Variants in ASB5 observed in about 807,000 individuals in gnomAD.
The protein encoded by ASB5 is ankyrin repeat and SOCS box containing 5.
ASB5 carries 45 observed loss-of-function variants against 42.1 expected under a neutral mutation model. The ratio of observed to expected loss-of-function variants is 1.07; its 90% CI spans 0.84 to 1.37. ASB5 has a LOEUF of 1.37. ASB5 is among the 40% of genes most tolerant of loss of function. ASB5 has a pLI of 0.00. For synonymous variants in ASB5, 147 were observed against 150.6 expected (o/e 0.98, Z 0.18); for missense variants, 402 against 399.8 (o/e 1.01, Z -0.05).
rs1229692709 is a variant in ASB5, at chr4:176,241,464, G to C, written c.197-16123C>G. 7 of 1,534,472 alleles carry C rather than the reference G, an allele frequency of 4.6e-6. No homozygotes were observed. The African/African-American group carries it at 9.6e-5, about 21-fold the overall frequency. ...GAAATCCTAAGGTTTTCTTTTACCT[G>C]TTACTGCCAAATTTCCACCATTGCA... On this transcript the variant is annotated intron_variant, in intron 1 of 6. Coordinates refer to ENST00000296525, the MANE Select transcript of ASB5 (RefSeq NM_080874.4).
chr4:176,260,798 T>A (rs1019363762), intron 1 of ASB5, among the ~76,000 whole-genome samples: 10 of 152,136 alleles, frequency 6.6e-5, no homozygotes, highest in African/African-American at 2.2e-4. Context: ...TTCCTCAGCC[T>A]CCCGAGTAGC....
At chr4:176,222,206 A>G (rs552875892) in intron 3 of ASB5, 107 bp downstream of exon 3, 8 of 1,002,728 alleles carry the variant, frequency 8.0e-6, no homozygotes, top group South Asian at 4.4e-5. Context: ...TTATTCTGCT[A>G]TTTTTGAAAA....
intron 2 of ASB5, among the ~76,000 whole-genome samples, chr4:176,223,593 A>G (rs779953619): frequency 1.8e-4 from 28 of 152,238 alleles, no homozygotes; most frequent in Non-Finnish European, 3.5e-4. Flanking sequence ...CATATTACAG[A>G]TCACCAAAAT....
rs114946323 is a variant in ASB5 at position 176,234,299 on chromosome 4, G to C, written c.197-8958C>G. 3.9e-3 allele frequency among the ~76,000 whole-genome samples: 592 copies of C among 152,160 alleles called. 6 individuals are homozygous for C. Among genetic ancestry groups the C allele is most frequent in the African/African-American group, 0.014 (569 of 41,526 alleles). ...CTCGGGTTCTACCCACTTTTTCCTA[G>C]GCCCATCATCCTCATCCAGACATAC... is the stretch of plus-strand genomic sequence containing the variant. On this transcript the variant is annotated intron_variant, in intron 1 of 6. Transcript: ENST00000296525.
At chr4:176,257,310 A>T (rs1410415686) in intron 1 of ASB5, among the ~76,000 whole-genome samples, 1 of 152,234 alleles carries the variant, frequency 6.6e-6, no homozygotes, top group Non-Finnish European at 1.5e-5. Context: ...CAGGACAACC[A>T]TGACCAGGTA....
chr4:176,227,081 A>G (rs1753401637), intron 1 of ASB5, among the ~76,000 whole-genome samples: 1 of 152,248 alleles, frequency 6.6e-6, no homozygotes, highest in Admixed American at 6.5e-5. Flanking sequence ...CAAAGAAGAC[A>G]ATGAGTGGTC....
chr4:176,260,576 C>A (rs149858882), intron 1 of ASB5, among the ~76,000 whole-genome samples: 20 of 152,304 alleles, frequency 1.3e-4, no homozygotes, highest in Non-Finnish European at 2.9e-4. Context: ...AGCCAATGGT[C>A]TGCTTTGTAG....
chr4:176,264,902 T>A (rs913587310), intron 1 of ASB5, among the ~76,000 whole-genome samples: 4 of 152,166 alleles, frequency 2.6e-5, no homozygotes, highest in African/African-American at 9.7e-5. Flanking sequence ...TTTGCCTTTA[T>A]TTTTTGTTGT....
rs944243794 is a variant in ASB5 at position 176,216,497 on chromosome 4, C to A, written c.862+321G>T. ...TCCTGAGTAGCTGAGATTACAGGCACGCACCACCATGCCCAGCTAATTTTT... is the reference window on the plus strand; with the variant it reads ...TCCTGAGTAGCTGAGATTACAGGCAAGCACCACCATGCCCAGCTAATTTTT... On this transcript the variant is annotated intron_variant, in intron 6 of 6. Transcript: ENST00000296525. Among the ~76,000 whole-genome samples, 3 of 152,166 alleles carry A rather than the reference C, an allele frequency of 2.0e-5. No homozygotes were observed. In the South Asian group the frequency reaches 6.2e-4, roughly 32 times the overall value.
intron 1 of ASB5, among the ~76,000 whole-genome samples, chr4:176,238,381 G>T (rs530652888): frequency 6.6e-6 from 1 of 152,082 alleles, no homozygotes; most frequent in South Asian, 2.1e-4. Context: ...ATCAAAAGAC[G>T]TCAGCAGTCA....
intron 5 of ASB5, among the ~76,000 whole-genome samples, chr4:176,219,728 A>C (rs923150376): frequency 3.1e-4 from 47 of 149,458 alleles, no homozygotes; most frequent in East Asian, 4.0e-4. Context: ...CACCATGCCT[A>C]GCTAATTTTT....
At chr4:176,252,104 GAC>G (rs1344110153) in intron 1 of ASB5, among the ~76,000 whole-genome samples, 2 of 136,502 alleles carry the variant, frequency 1.5e-5, no homozygotes, top group African/African-American at 2.7e-5. Flanking sequence ...AAAAGAAAAA[GAC>G]ACGCATATAA....
At chr4:176,229,139 TC>T (rs1167792173) in intron 1 of ASB5, among the ~76,000 whole-genome samples, 7 of 152,196 alleles carry the variant, frequency 4.6e-5, no homozygotes, top group Non-Finnish European at 7.3e-5. Context: ...TCAGTTTCCC[TC>T]TTGTATAATA....
chr4:176,245,848 T>A (rs1055797979), intron 1 of ASB5, among the ~76,000 whole-genome samples: 1 of 151,898 alleles, frequency 6.6e-6, no homozygotes, highest in South Asian at 2.1e-4. Context: ...AATTGAACAA[T>A]GAGAACACTT....
At position 176,262,551 on chromosome 4, in the gene ASB5, C is replaced by T. The variant is rs1307158673; in HGVS notation, c.196+6362G>A. ...ATCCTAGGCAGAACCATTCTTAGCT[C>T]TACATACATTTCTCTGTATAGCACC... On this transcript the variant is annotated intron_variant, in intron 1 of 6. Coordinates refer to ENST00000296525, the MANE Select transcript of ASB5 (RefSeq NM_080874.4). Among the ~76,000 whole-genome samples the T allele has an allele frequency of 3.9e-5, 6 of 152,178 alleles. No homozygotes were observed. The East Asian group carries it at 1.2e-3, about 29-fold the overall frequency.
At chr4:176,259,876 C>T (rs975701982) in intron 1 of ASB5, among the ~76,000 whole-genome samples, 1 of 152,146 alleles carries the variant, frequency 6.6e-6, no homozygotes, top group South Asian at 2.1e-4. Flanking sequence ...TTCTATTTTA[C>T]TCAGTGGGTA....
At chr4:176,254,898 G>A (rs575032997) in intron 1 of ASB5, among the ~76,000 whole-genome samples, 9 of 152,278 alleles carry the variant, frequency 5.9e-5, no homozygotes, top group South Asian at 4.2e-4. Flanking sequence ...TTGGGAGGCC[G>A]AGGCGAGTGG....
At chr4:176,235,828 A>AT (rs538808463) in intron 1 of ASB5, among the ~76,000 whole-genome samples, 2 of 150,554 alleles carry the variant, frequency 1.3e-5, no homozygotes. Flanking sequence ...GCATGGGGGC[A>AT]TTTTTTTTAT....
upstream of ASB5, among the ~76,000 whole-genome samples, chr4:176,271,309 C>T (rs1321415056): frequency 6.6e-6 from 1 of 152,146 alleles, no homozygotes; most frequent in Non-Finnish European, 1.5e-5. Flanking sequence ...AAATTAGATG[C>T]TGTATTTTTC....
Sources: allele counts gnomAD v4.1 joint callset (sites outside exome capture counted in the v4.1 genomes callset), GRCh38; gene constraint gnomAD v4.1.1; transcripts MANE v1.5; gene names NCBI Gene and HGNC (gene_info 2026-07-23, HGNC 2026-07-21).